IBTK: variants seen among roughly 807,000 people sequenced by gnomAD.
IBTK encodes BTK-binding protein.
In IBTK, 83 loss-of-function variants were observed where a neutral mutation model predicts 154.9. That is an observed-to-expected ratio of 0.54 (90% CI 0.45 to 0.64). The LOEUF (loss-of-function observed/expected upper bound fraction) is 0.64, where lower values mean the gene tolerates loss of function less well. IBTK is among the 30% of genes least tolerant of loss of function. The pLI, the probability that IBTK is intolerant of heterozygous loss-of-function variation, is 0.00. For missense variants in IBTK, 1,332 were observed against 1,584.6 expected (o/e 0.84, Z 2.71); for synonymous variants, 515 against 536.1 (o/e 0.96, Z 0.54).
chr6:82,188,902 C>T, intron 25 of IBTK: 1 of 257,114 alleles, frequency 3.9e-6, no homozygotes, highest in Non-Finnish European at 7.6e-6. Flanking sequence ...TGGTGGTAGG[C>T]ATCTGTAATC....
At position 82,225,576 on chromosome 6, in the gene IBTK, A is replaced by G. The variant is rs1770263913; in HGVS notation, c.726T>C (p.Val242=). 1 of 1,613,510 alleles carries G rather than the reference A, an allele frequency of 6.2e-7. No homozygotes were observed. The highest frequency in any genetic ancestry group is 1.1e-5 in the South Asian group (1 of 91,044). The change falls in exon 6 of 29, where the codon GTT becomes GTC. Residue 242 remains valine (V), a synonymous_variant. Coordinates refer to ENST00000306270, the MANE Select transcript of IBTK (RefSeq NM_015525.4). ...AAACACATCCATCTTCAGTTAATAC[A>G]ACAGTATGATCCTTAGCAGCTGCCA... ...SQVAAAKDHT[V]VLTEDGCVYT... is the part of the protein sequence containing the mutation.
intron 2 of IBTK, among the ~76,000 whole-genome samples, chr6:82,237,583 T>C (rs1424932142): frequency 6.6e-6 from 1 of 150,450 alleles, no homozygotes; most frequent in Non-Finnish European, 1.5e-5. Flanking sequence ...GCAGTAGTAG[T>C]AGTAGTAGTG....
chr6:82,179,066 A>G (rs1035962936), intron 26 of IBTK, among the ~76,000 whole-genome samples: 33 of 152,244 alleles, frequency 2.2e-4, no homozygotes, highest in African/African-American at 7.7e-4. Context: ...GAAAGGCAAG[A>G]CCAGTCAGGA....
chr6:82,183,891 G>A (rs1276461657), intron 25 of IBTK, among the ~76,000 whole-genome samples: 5 of 152,156 alleles, frequency 3.3e-5, no homozygotes, highest in Admixed American at 2.6e-4. Context: ...CCTTTTTGCT[G>A]TCTCTCACCC....
In IBTK at chr6:82,220,741, T is replaced by C. The variant is rs1386561981; in HGVS notation, c.1125-28A>G. Reference sequence around the variant, plus strand: ...AGATGAAAAAAAAAAAAATCCTAGATTAATATGTTCTCTAAACTACACATG... The same window carrying C: ...AGATGAAAAAAAAAAAAATCCTAGACTAATATGTTCTCTAAACTACACATG... On this transcript the variant is annotated intron_variant, in intron 8 of 28. Transcript: ENST00000306270. 4.0e-6 allele frequency: 6 copies of C among 1,509,550 alleles called. No individual in the cohort carries two copies. In the Admixed American group the frequency reaches 1.1e-4, roughly 28 times the overall value. 93.5% of individuals were successfully genotyped at this position (1,509,550 alleles called of 1,614,324 possible). A position where few individuals can be genotyped will look rare whatever the true frequency, so the allele number is the denominator to read the frequency against.
Position 82,191,893 on chromosome 6 carries a change from A to C in IBTK, c.3339-14T>G. On this transcript the variant is annotated splice_polypyrimidine_tract_variant and intron_variant, in intron 23 of 28. Coordinates refer to ENST00000306270, the MANE Select transcript of IBTK (RefSeq NM_015525.4). Reference sequence around the variant, plus strand: ...GGGCTGACAGGACTAAAAGACATAAAAGGTTACTTTGCAAAGCATTCATTT... The same window carrying C: ...GGGCTGACAGGACTAAAAGACATAACAGGTTACTTTGCAAAGCATTCATTT... 1 of 1,537,150 alleles carries C rather than the reference A, an allele frequency of 6.5e-7. No homozygotes were observed.
intron 4 of IBTK, among the ~76,000 whole-genome samples, chr6:82,231,031 T>C (rs1770483504): frequency 6.6e-6 from 1 of 152,184 alleles, no homozygotes. Context: ...GAAATTTTAG[T>C]TCTATCTACT....
intron 25 of IBTK, among the ~76,000 whole-genome samples, chr6:82,184,041 G>C (rs1287237428): frequency 1.3e-5 from 2 of 152,200 alleles, no homozygotes; most frequent in Non-Finnish European, 2.9e-5. Flanking sequence ...CAGTCTGTGG[G>C]ACTCTGTTAC....
intron 1 of IBTK, among the ~76,000 whole-genome samples, chr6:82,243,293 CAAGTACTTTAA>C (rs1024196662): frequency 2.6e-5 from 4 of 151,438 alleles, no homozygotes; most frequent in African/African-American, 9.7e-5. Flanking sequence ...TACCAATCGT[CAAGTACTTTAA>C]AAGGTTAAAA....
intron 13 of IBTK, 79 bp downstream of exon 13, chr6:82,212,628 G>A: frequency 1.2e-6 from 1 of 860,342 alleles, no homozygotes; most frequent in Non-Finnish European, 2.0e-6. Flanking sequence ...TGCTTCATAT[G>A]TGGGTAAGCA....
chr6:82,220,766 G>C lies in IBTK; in HGVS notation c.1125-53C>G, dbSNP rs1582235558. 1.1e-5 allele frequency: 15 copies of C among 1,355,550 alleles called. No homozygotes were observed. The East Asian group carries it at 3.8e-4, about 34-fold the overall frequency. The allele number at this position is 1,355,550 out of a possible 1,614,324, so 84.0% of individuals were successfully genotyped here. A position where few individuals can be genotyped will look rare whatever the true frequency, so the allele number is the denominator to read the frequency against. On this transcript the variant is annotated intron_variant, in intron 8 of 28. Transcript: ENST00000306270. ...TTAATATGTTCTCTAAACTACACAT[G>C]CCTAAACTTCAAAGAAGTTAGTATT...
intron 8 of IBTK, 24 bp from the exon 9 acceptor site, chr6:82,220,737 T>C: frequency 6.7e-7 from 1 of 1,494,830 alleles, no homozygotes; most frequent in Non-Finnish European, 9.0e-7. Flanking sequence ...AAAAAAATCC[T>C]AGATTAATAT....
intron 25 of IBTK, among the ~76,000 whole-genome samples, chr6:82,189,885 T>C (rs1345454397): frequency 6.6e-6 from 1 of 152,200 alleles, no homozygotes; most frequent in Non-Finnish European, 1.5e-5. Flanking sequence ...TTTTGGATTT[T>C]CCATACCTTT....
At chr6:82,189,528 G>C (rs1249071994) in intron 25 of IBTK, among the ~76,000 whole-genome samples, 1 of 152,124 alleles carries the variant, frequency 6.6e-6, no homozygotes, top group Non-Finnish European at 1.5e-5. Flanking sequence ...TCAAAACAAG[G>C]AGTGTATCAA....
intron 16 of IBTK, 63 bp from the exon 17 acceptor site, chr6:82,205,021 A>T (rs927823174): frequency 1.1e-4 from 106 of 934,312 alleles, no homozygotes; most frequent in African/African-American, 8.5e-4. Context: ...AGAAAAAAAA[A>T]TTTGAAGTAA....
At position 82,225,575 on chromosome 6, in the gene IBTK, C is replaced by T. The variant is rs1426691269; in HGVS notation, c.727G>A (p.Val243Ile). 6.2e-7 allele frequency: 1 copy of T among 1,613,348 alleles called. No homozygotes were observed. Among genetic ancestry groups the T allele is most frequent in the African/African-American group, 1.3e-5 (1 of 74,974 alleles). ...QVAAAKDHTV[V>I]LTEDGCVYTF... is the part of the protein sequence containing the mutation. The stretch of plus-strand genomic sequence containing the variant: ...TAAACACATCCATCTTCAGTTAATA[C>T]AACAGTATGATCCTTAGCAGCTGCC... The change falls in exon 6 of 29, where the codon GTA (valine) becomes ATA (isoleucine). Residue 243 changes from valine (V) to isoleucine (I), a missense_variant. Val to Ile is a conservative substitution (Grantham distance 29). Around this residue, in one of 3 missense-constraint regions of IBTK, gnomAD observed 114 missense variants for 213.7 expected, o/e 0.53. Transcript: ENST00000306270.
intron 26 of IBTK, among the ~76,000 whole-genome samples, chr6:82,178,808 G>A (rs183857106): frequency 6.6e-6 from 1 of 152,308 alleles, no homozygotes; most frequent in Admixed American, 6.5e-5. Context: ...ATTGAAAGAA[G>A]AGTCAGAGTC....
chr6:82,219,026 C>A (rs772793200), intron 9 of IBTK, among the ~76,000 whole-genome samples: 1 of 152,080 alleles, frequency 6.6e-6, no homozygotes, highest in African/African-American at 2.4e-5. Flanking sequence ...TGATACACAT[C>A]CCAAAATCAA....
At chr6:82,194,344 G>A in intron 23 of IBTK, 135 bp downstream of exon 23, 1 of 708,914 alleles carries the variant, frequency 1.4e-6, no homozygotes. Context: ...CAATTTGTAG[G>A]TATTTAGGCA....
Sources: allele counts gnomAD v4.1 joint callset (sites outside exome capture counted in the v4.1 genomes callset), GRCh38; gene constraint gnomAD v4.1.1; regional missense constraint gnomAD v4.1.1; transcripts MANE v1.5; gene names NCBI Gene and HGNC (gene_info 2026-07-23, HGNC 2026-07-21).